DPP6: variants seen among roughly 807,000 people sequenced by gnomAD.
DPP6 encodes dipeptidyl peptidase like 6, also known as A-type potassium channel modulatory protein DPP6.
A neutral mutation model predicts 122.6 loss-of-function variants in DPP6; 69 were observed. The observed-to-expected ratio is 0.56, with a 90% CI of 0.46 to 0.69. The LOEUF (loss-of-function observed/expected upper bound fraction) is 0.69, where lower values mean the gene tolerates loss of function less well. Among genes scored for constraint, DPP6 ranks in the 30% least tolerant of loss-of-function variants. The pLI, the probability that DPP6 is intolerant of heterozygous loss-of-function variation, is 0.00. For missense variants in DPP6, 928 were observed against 1,116.9 expected (o/e 0.83, Z 2.41); for synonymous variants, 418 against 433.1 (o/e 0.97, Z 0.43).
At chr7:154,743,858 A>G (rs1842923787) in intron 8 of DPP6, among the ~76,000 whole-genome samples, 1 of 152,214 alleles carries the variant, frequency 6.6e-6, no homozygotes, top group Non-Finnish European at 1.5e-5. Flanking sequence ...ATGAAAAGTC[A>G]GTCCTCCATA....
chr7:154,385,938 A>C (rs940235145), intron 1 of DPP6, among the ~76,000 whole-genome samples: 1 of 152,162 alleles, frequency 6.6e-6, no homozygotes, highest in East Asian at 1.9e-4. Flanking sequence ...AGCAAGAAGC[A>C]CTATGGAATC....
chr7:153,952,308 T>G (rs1178932157), intron 1 of DPP6, among the ~76,000 whole-genome samples: 1 of 152,238 alleles, frequency 6.6e-6, no homozygotes, highest in Non-Finnish European at 1.5e-5. Context: ...AACCACATTG[T>G]GAAATAGACA....
intron 6 of DPP6, among the ~76,000 whole-genome samples, chr7:154,665,291 C>A (rs1838077003): frequency 6.6e-6 from 1 of 152,206 alleles, no homozygotes; most frequent in African/African-American, 2.4e-5. Context: ...AAGTGGCTGT[C>A]TGCCAGGTTT....
chr7:154,087,512 C>T (rs1430722253), intron 1 of DPP6, among the ~76,000 whole-genome samples: 4 of 152,146 alleles, frequency 2.6e-5, no homozygotes, highest in South Asian at 2.1e-4. Flanking sequence ...GAGAATTAGC[C>T]GCAGGCCAGG....
intron 1 of DPP6, among the ~76,000 whole-genome samples, chr7:154,298,590 C>T (rs945159192): frequency 1.3e-5 from 2 of 152,152 alleles, no homozygotes; most frequent in Admixed American, 6.5e-5. Context: ...GAGATGTACC[C>T]GTGTTCTTTT....
intron 7 of DPP6, among the ~76,000 whole-genome samples, chr7:154,699,045 A>G: frequency 6.6e-6 from 1 of 152,160 alleles, no homozygotes; most frequent in East Asian, 1.9e-4. Flanking sequence ...CGGTTCCAAG[A>G]TCAGCCACCC....
At chr7:154,815,460 C>T (rs1799362744) in intron 16 of DPP6, among the ~76,000 whole-genome samples, 1 of 152,160 alleles carries the variant, frequency 6.6e-6, no homozygotes, top group Non-Finnish European at 1.5e-5. Flanking sequence ...TTTCACAGTC[C>T]TCGCCTCTGT....
rs370022769 is a variant in DPP6, at chr7:154,171,357, T to C, written c.243+118294T>C. Among the ~76,000 whole-genome samples, 33 of 152,310 alleles carry C rather than the reference T, an allele frequency of 2.2e-4. 2 individuals are homozygous for C. The highest frequency in any genetic ancestry group is 7.9e-4 in the African/African-American group (33 of 41,582). On this transcript the variant is annotated intron_variant, in intron 1 of 25. Transcript: ENST00000377770. ...TTCTGTGCCTGGTACATGGGGGTCA[T>C]TTAATACACGTCTCGACAACTGCAT...
intron 5 of DPP6, among the ~76,000 whole-genome samples, chr7:154,567,482 CCTT>C (rs1388983289): frequency 2.0e-5 from 3 of 152,096 alleles, no homozygotes; most frequent in African/African-American, 4.8e-5. Flanking sequence ...CCAGGATCTT[CCTT>C]CTTCTTCTTG....
intron 5 of DPP6, among the ~76,000 whole-genome samples, chr7:154,629,244 C>A (rs1354733221): frequency 6.6e-6 from 1 of 152,170 alleles, no homozygotes; most frequent in African/African-American, 2.4e-5. Context: ...AGAAAATAAA[C>A]CCTTTGAGTA....
chr7:154,444,210 C>A (rs915984620), intron 1 of DPP6, among the ~76,000 whole-genome samples: 1 of 152,024 alleles, frequency 6.6e-6, no homozygotes, highest in East Asian at 1.9e-4. Flanking sequence ...GTAATCCCAG[C>A]ACTTTGGGAG....
chr7:154,836,179 G>T lies in DPP6; in HGVS notation c.1667-17601G>T, dbSNP rs562901556. Among the ~76,000 whole-genome samples the T allele has an allele frequency of 4.5e-4, 69 of 152,330 alleles. 1 individual carries two copies. Among genetic ancestry groups the T allele is most frequent in the Non-Finnish European group, 8.1e-4 (55 of 68,036 alleles). On this transcript the variant is annotated intron_variant, in intron 16 of 25. Coordinates refer to ENST00000377770, the MANE Select transcript of DPP6 (RefSeq NM_130797.4). The stretch of plus-strand genomic sequence containing the variant: ...GCTGCCTGCCTGCCCGCCGCCTGCC[G>T]CCCGGCTTTCAGAAGCATCTCTGGT...
intron 1 of DPP6, among the ~76,000 whole-genome samples, chr7:154,080,018 C>T (rs1345578304): frequency 6.6e-6 from 1 of 150,914 alleles, no homozygotes; most frequent in Non-Finnish European, 1.5e-5. Flanking sequence ...CAATTTGAAA[C>T]TTGTGGGCTG....
intron 5 of DPP6, among the ~76,000 whole-genome samples, chr7:154,590,814 A>G (rs202009556): frequency 1.3e-5 from 2 of 151,620 alleles, no homozygotes; most frequent in Non-Finnish European, 2.9e-5. Flanking sequence ...AATTACAGGC[A>G]TGAGCCACCA....
chr7:154,869,225 C>T (rs1408996752), intron 18 of DPP6, among the ~76,000 whole-genome samples: 2 of 152,102 alleles, frequency 1.3e-5, no homozygotes, highest in African/African-American at 2.4e-5. Context: ...AGCAGCGTGT[C>T]GCCTGGAGCC....
At chr7:154,458,259 T>C (rs1187434328) in intron 2 of DPP6, among the ~76,000 whole-genome samples, 3 of 152,174 alleles carry the variant, frequency 2.0e-5, no homozygotes, top group Non-Finnish European at 2.9e-5. Flanking sequence ...ATTCTCATGA[T>C]AGTGAATAAG....
Position 154,540,634 on chromosome 7 carries a change from C to T in DPP6, c.552+8C>T. 4 of 1,490,208 alleles carry T rather than the reference C, an allele frequency of 2.7e-6. No individual in the cohort carries two copies. Among genetic ancestry groups the T allele is most frequent in the Non-Finnish European group, 3.7e-6 (4 of 1,093,184 alleles). The allele number at this position is 1,490,208 out of a possible 1,614,324, so 92.3% of individuals were successfully genotyped here. ...ATAGAAGGCAAAAAAATTGTAAGTACTCTCTTTAATGACCGGGATAATTTC... is the reference window on the plus strand; with the variant it reads ...ATAGAAGGCAAAAAAATTGTAAGTATTCTCTTTAATGACCGGGATAATTTC... On this transcript the variant is annotated splice_region_variant and intron_variant, in intron 4 of 25. Transcript: ENST00000377770.
chr7:154,441,275 A>G (rs1032595228), intron 1 of DPP6, among the ~76,000 whole-genome samples: 1 of 152,240 alleles, frequency 6.6e-6, no homozygotes, highest in Non-Finnish European at 1.5e-5. Flanking sequence ...CTTTATAAAG[A>G]GTAGGAAATG....
At chr7:154,612,089 G>C (rs1393086199) in intron 5 of DPP6, among the ~76,000 whole-genome samples, 1 of 152,218 alleles carries the variant, frequency 6.6e-6, no homozygotes, top group African/African-American at 2.4e-5. Context: ...TGAGCTTGCT[G>C]TCTTGCCCTT....
Sources: allele counts gnomAD v4.1 joint callset (sites outside exome capture counted in the v4.1 genomes callset), GRCh38; gene constraint gnomAD v4.1.1; transcripts MANE v1.5; gene names NCBI Gene and HGNC (gene_info 2026-07-23, HGNC 2026-07-21).